Variants in ADAMTS17 observed in about 807,000 individuals in gnomAD.
ADAMTS17 encodes A disintegrin and metalloproteinase with thrombospondin motifs 17.
A neutral mutation model predicts 141.5 loss-of-function variants in ADAMTS17; 113 were observed. The ratio of observed to expected loss-of-function variants is 0.80; its 90% CI spans 0.69 to 0.93. The LOEUF is 0.93. ADAMTS17 is among the 40% of genes least tolerant of loss of function. The probability of loss-of-function intolerance (pLI) is 0.00; values close to 1 mark genes in which losing one functional copy is unlikely to be tolerated. For synonymous variants in ADAMTS17, 768 were observed against 630.6 expected, an observed-to-expected ratio of 1.22 and a Z score of -3.27; for missense variants, 1,659 against 1,517.9, an observed-to-expected ratio of 1.09 and a Z score of -1.54.
intron 15 of ADAMTS17, among the ~76,000 whole-genome samples, chr15:100,062,757 C>A (rs537322988): frequency 5.9e-5 from 9 of 152,328 alleles, no homozygotes; most frequent in African/African-American, 2.2e-4. Flanking sequence ...CTTTGCAACA[C>A]AGGCTGAGAG....
At chr15:100,230,689 A>G (rs935201292) in intron 7 of ADAMTS17, among the ~76,000 whole-genome samples, 1 of 152,218 alleles carries the variant, frequency 6.6e-6, no homozygotes, top group African/African-American at 2.4e-5. Context: ...AAAGCTTAGG[A>G]AGTATTGCAT....
chr15:100,252,494 G>A (rs1837228046), intron 7 of ADAMTS17, among the ~76,000 whole-genome samples: 1 of 152,236 alleles, frequency 6.6e-6, no homozygotes. Context: ...CCAGGAAGCA[G>A]GAGGAGCACG....
intron 18 of ADAMTS17, among the ~76,000 whole-genome samples, chr15:100,014,491 T>A (rs371286690): frequency 6.6e-6 from 1 of 152,202 alleles, no homozygotes. Context: ...CTGATGTAGA[T>A]GTTTAGGGCT....
intron 8 of ADAMTS17, among the ~76,000 whole-genome samples, chr15:100,158,541 T>A (rs2039543360): frequency 6.6e-6 from 1 of 152,110 alleles, no homozygotes; most frequent in Non-Finnish European, 1.5e-5. Context: ...GTTCAGCAGC[T>A]CTCCTGAGCT....
chr15:100,011,300 GGGGA>G (rs1555530414), intron 18 of ADAMTS17, among the ~76,000 whole-genome samples: 2 of 2,772 alleles, frequency 7.2e-4, no homozygotes, highest in Non-Finnish European at 6.5e-4. Flanking sequence ...GGAGGAGGGA[GGGGA>G]GGGAAGGAAA....
intron 3 of ADAMTS17, among the ~76,000 whole-genome samples, chr15:100,315,220 A>T (rs1333630600): frequency 1.3e-5 from 2 of 152,196 alleles, no homozygotes. Context: ...TATCCACTGC[A>T]GGGATAAGGA....
Position 100,176,921 on chromosome 15 carries a change from T to C in ADAMTS17, c.1182-21601A>G, listed in dbSNP as rs532321332. 3.9e-5 allele frequency among the ~76,000 whole-genome samples: 6 copies of C among 152,400 alleles called. No homozygotes were observed. The South Asian group carries it at 1.2e-3, about 32-fold the overall frequency. On this transcript the variant is annotated intron_variant, in intron 8 of 21. Coordinates refer to ENST00000268070, the MANE Select transcript of ADAMTS17 (RefSeq NM_139057.4). ...TTTGGTGTAATTTCCTTGAGGTTCA[T>C]CCACATTGCTGTGTGTGCCCATAAT...
At chr15:99,999,613 G>A (rs138307295) in intron 18 of ADAMTS17, among the ~76,000 whole-genome samples, 115 of 152,290 alleles carry the variant, frequency 7.6e-4, no homozygotes, top group African/African-American at 2.7e-3. Context: ...GGCTGGCCCT[G>A]GTGGCTCTTG....
At chr15:99,976,692 C>G (rs1222198090) in intron 20 of ADAMTS17, 7 of 251,060 alleles carry the variant, frequency 2.8e-5, no homozygotes, top group Non-Finnish European at 5.5e-5. Context: ...CTTGCTGGCT[C>G]TCCACCGTGA....
chr15:100,234,426 T>C (rs996651433), intron 7 of ADAMTS17, among the ~76,000 whole-genome samples: 9 of 152,300 alleles, frequency 5.9e-5, no homozygotes, highest in Admixed American at 2.0e-4. Context: ...CCCACAGTCA[T>C]GTACTGGGAA....
chr15:100,284,550 G>A (rs2044385992), intron 3 of ADAMTS17, among the ~76,000 whole-genome samples: 1 of 152,168 alleles, frequency 6.6e-6, no homozygotes, highest in Non-Finnish European at 1.5e-5. Flanking sequence ...TCCAACGCAA[G>A]TGTCCTTCCT....
At chr15:100,301,021 C>T (rs544805835) in intron 3 of ADAMTS17, among the ~76,000 whole-genome samples, 1 of 152,308 alleles carries the variant, frequency 6.6e-6, no homozygotes, top group East Asian at 1.9e-4. Flanking sequence ...CCACTCCAAA[C>T]CTAGTGCCTA....
intron 8 of ADAMTS17, among the ~76,000 whole-genome samples, chr15:100,173,241 T>C (rs1321642952): frequency 1.3e-5 from 2 of 152,186 alleles, no homozygotes; most frequent in Non-Finnish European, 1.5e-5. Context: ...CTTAGCTTTT[T>C]AGAAATGCAA....
At position 100,331,064 on chromosome 15, in the gene ADAMTS17, A is replaced by T. The variant is rs1163522267; in HGVS notation, c.451-10T>A. ...GCTGAATGAGGCCAACCTGTCCAGAAAGGAGAAGGAAACGCGATGTCGGTC... is the reference window on the plus strand; with the variant it reads ...GCTGAATGAGGCCAACCTGTCCAGATAGGAGAAGGAAACGCGATGTCGGTC... On this transcript the variant is annotated splice_polypyrimidine_tract_variant and intron_variant, in intron 2 of 21. Coordinates refer to ENST00000268070, the MANE Select transcript of ADAMTS17 (RefSeq NM_139057.4). The T allele has an allele frequency of 6.2e-7, 1 of 1,614,114 alleles. No individual in the cohort carries two copies. The highest frequency in any genetic ancestry group is 8.5e-7 in the Non-Finnish European group (1 of 1,180,008).
At chr15:100,195,758 C>T (rs2041093255) in intron 8 of ADAMTS17, among the ~76,000 whole-genome samples, 1 of 151,932 alleles carries the variant, frequency 6.6e-6, no homozygotes, top group Non-Finnish European at 1.5e-5. Context: ...AGCAGCTATA[C>T]ACATGGACAT....
At chr15:99,981,384 A>G (rs1457980355) in intron 20 of ADAMTS17, among the ~76,000 whole-genome samples, 1 of 151,814 alleles carries the variant, frequency 6.6e-6, no homozygotes, top group Admixed American at 6.6e-5. Flanking sequence ...TTCTGAGGGC[A>G]GGTGGTCCCA....
Position 100,322,649 on chromosome 15 carries a change from T to C in ADAMTS17, c.616+8240A>G, listed in dbSNP as rs193282823. Among the ~76,000 whole-genome samples, 756 of 152,350 alleles carry C rather than the reference T, an allele frequency of 5.0e-3. 28 individuals are homozygous for C. Among genetic ancestry groups the C allele is most frequent in the Admixed American group, 0.045 (692 of 15,302 alleles). ...ATGTTAGAATAGCAGACAAGAATTT[T>C]GAAGCAATTATTACCATAATGCTCA... On this transcript the variant is annotated intron_variant, in intron 3 of 21. Coordinates refer to ENST00000268070, the MANE Select transcript of ADAMTS17 (RefSeq NM_139057.4).
chr15:100,336,047 C>T (rs1435928486), intron 2 of ADAMTS17, among the ~76,000 whole-genome samples: 2 of 152,216 alleles, frequency 1.3e-5, no homozygotes, highest in African/African-American at 4.8e-5. Flanking sequence ...GAAGTAAGCT[C>T]CAAGAATGCA....
chr15:100,262,620 C>T lies in ADAMTS17; in HGVS notation c.790-185G>A, dbSNP rs192499538. Among the ~76,000 whole-genome samples the T allele has an allele frequency of 1.1e-3, 171 of 151,904 alleles. 1 individual carries two copies. The highest frequency in any genetic ancestry group is 3.8e-3 in the African/African-American group (158 of 41,432). Reference sequence around the variant, plus strand: ...GGTGCATTAATTACAAGAAACATGCCATTCTAATATGAGAGGCTCATGATG... The same window carrying T: ...GGTGCATTAATTACAAGAAACATGCTATTCTAATATGAGAGGCTCATGATG... On this transcript the variant is annotated intron_variant, in intron 4 of 21. Coordinates refer to ENST00000268070, the MANE Select transcript of ADAMTS17 (RefSeq NM_139057.4).
Sources: gnomAD v4.1 joint callset for allele counts (sites outside exome capture counted in the v4.1 genomes callset) on GRCh38, gnomAD v4.1.1 for gene constraint, MANE v1.5 for transcripts, NCBI Gene and HGNC (gene_info 2026-07-23, HGNC 2026-07-21) for gene names.